TMTC1: variants seen among roughly 807,000 people sequenced by gnomAD.
TMTC1 encodes the protein transmembrane O-mannosyltransferase targeting cadherins 1, also known as protein O-mannosyl-transferase TMTC1.
TMTC1 carries 73 observed loss-of-function variants against 104.8 expected under a neutral mutation model. The ratio of observed to expected loss-of-function variants is 0.70; its 90% CI spans 0.58 to 0.85. The LOEUF (loss-of-function observed/expected upper bound fraction) is 0.85, where lower values mean the gene tolerates loss of function less well. TMTC1 is among the 40% of genes least tolerant of loss of function. The pLI, the probability that TMTC1 is intolerant of heterozygous loss-of-function variation, is 0.00. For synonymous variants in TMTC1, 434 were observed against 428.7 expected, an observed-to-expected ratio of 1.01 and a Z score of -0.15; for missense variants, 1,035 against 1,096.1, an observed-to-expected ratio of 0.94 and a Z score of 0.79.
At chr12:29,559,378 C>A (rs1358491578) in intron 9 of TMTC1, among the ~76,000 whole-genome samples, 6 of 152,320 alleles carry the variant, frequency 3.9e-5, no homozygotes, top group African/African-American at 1.2e-4. Context: ...CATGACCCCA[C>A]TGCCATGTAA....
intron 5 of TMTC1, among the ~76,000 whole-genome samples, chr12:29,636,257 C>T (rs927548925): frequency 6.6e-6 from 1 of 152,098 alleles, no homozygotes; most frequent in Non-Finnish European, 1.5e-5. Context: ...TTCTTTATGC[C>T]ACTTTCTCTA....
chr12:29,649,430 G>A (rs1012982625), intron 5 of TMTC1, among the ~76,000 whole-genome samples: 21 of 152,186 alleles, frequency 1.4e-4, no homozygotes, highest in African/African-American at 5.1e-4. Flanking sequence ...AGAAACTAAA[G>A]GAGAGAGGAG....
intron 5 of TMTC1, among the ~76,000 whole-genome samples, chr12:29,686,969 T>A (rs1387610533): frequency 1.3e-5 from 2 of 150,690 alleles, no homozygotes; most frequent in Non-Finnish European, 3.0e-5. Context: ...TTAATACATA[T>A]GAGTCTATTT....
intron 11 of TMTC1, among the ~76,000 whole-genome samples, chr12:29,527,747 CT>C (rs1201235288): frequency 2.6e-5 from 4 of 152,310 alleles, no homozygotes; most frequent in South Asian, 2.1e-4. Flanking sequence ...TCTAATATTA[CT>C]TTTTTTCCCA....
intron 6 of TMTC1, among the ~76,000 whole-genome samples, chr12:29,617,998 T>C (rs1441000285): frequency 1.3e-5 from 2 of 152,150 alleles, no homozygotes; most frequent in African/African-American, 4.8e-5. Flanking sequence ...GGCGCAAGGG[T>C]AGAAGCAGGG....
chr12:29,671,432 C>T (rs931030046), intron 5 of TMTC1, among the ~76,000 whole-genome samples: 5 of 152,000 alleles, frequency 3.3e-5, no homozygotes, highest in Admixed American at 1.3e-4. Context: ...TGTTGAACAC[C>T]GAGTTAAGTC....
intron 7 of TMTC1, among the ~76,000 whole-genome samples, chr12:29,598,865 G>A (rs923575768): frequency 3.0e-4 from 45 of 152,258 alleles, no homozygotes; most frequent in African/African-American, 1.0e-3. Context: ...ATTTAATGTT[G>A]TCTGCAAACA....
In TMTC1 at chr12:29,760,407, G is replaced by T. The variant is rs1188501307; in HGVS notation, c.481-1630C>A. 2.0e-5 allele frequency among the ~76,000 whole-genome samples: 3 copies of T among 152,128 alleles called. No homozygotes were observed. The East Asian group carries it at 5.8e-4, about 29-fold the overall frequency. ...GAAGAGTGAAGACTGGAGCAAGCAA[G>T]AAATATCAAAAATATCAATGGATGC... On this transcript the variant is annotated intron_variant, in intron 2 of 17. Transcript: ENST00000539277.
Position 29,714,615 on chromosome 12 carries a change from T to C in TMTC1, c.938+37051A>G, listed in dbSNP as rs767456213. 6.6e-5 allele frequency among the ~76,000 whole-genome samples: 10 copies of C among 152,324 alleles called. No homozygotes were observed. In the South Asian group the frequency reaches 8.3e-4, roughly 13 times the overall value. ...AAACATCTTTGTGTTACTATAAAAA[T>C]AGTTTTTACCTCACAGAACCTCCCT... On this transcript the variant is annotated intron_variant, in intron 5 of 17. Coordinates refer to ENST00000539277, the MANE Select transcript of TMTC1 (RefSeq NM_001193451.2).
intron 11 of TMTC1, among the ~76,000 whole-genome samples, chr12:29,524,727 G>C (rs1650644571): frequency 6.6e-6 from 1 of 152,314 alleles, no homozygotes; most frequent in African/African-American, 2.4e-5. Context: ...TTCTGGTTCT[G>C]ACTGATTATG....
intron 7 of TMTC1, among the ~76,000 whole-genome samples, chr12:29,594,551 G>A (rs1946359698): frequency 6.6e-6 from 1 of 152,210 alleles, no homozygotes; most frequent in Non-Finnish European, 1.5e-5. Flanking sequence ...AAAAGAGTAA[G>A]GAGGATTTGT....
At chr12:29,584,129 C>G (rs966509211) in intron 7 of TMTC1, among the ~76,000 whole-genome samples, 1 of 152,202 alleles carries the variant, frequency 6.6e-6, no homozygotes, top group Non-Finnish European at 1.5e-5. Context: ...CAGGCCGACT[C>G]CTGAGCCTCA....
At chr12:29,586,984 T>G (rs1379245665) in intron 7 of TMTC1, among the ~76,000 whole-genome samples, 1 of 152,142 alleles carries the variant, frequency 6.6e-6, no homozygotes, top group Non-Finnish European at 1.5e-5. Flanking sequence ...CTTTTTCTAT[T>G]GATTGGAATA....
At chr12:29,527,743 A>T (rs1187313918) in intron 11 of TMTC1, among the ~76,000 whole-genome samples, 1 of 152,196 alleles carries the variant, frequency 6.6e-6, no homozygotes, top group Non-Finnish European at 1.5e-5. Context: ...TGGATCTAAT[A>T]TTACTTTTTT....
intron 8 of TMTC1, among the ~76,000 whole-genome samples, chr12:29,577,509 T>C (rs1347804898): frequency 6.6e-6 from 1 of 152,152 alleles, no homozygotes; most frequent in Admixed American, 6.6e-5. Context: ...GTCACTCCTA[T>C]GGTACACGGA....
intron 5 of TMTC1, among the ~76,000 whole-genome samples, chr12:29,712,139 T>C (rs1941947809): frequency 6.6e-6 from 1 of 151,944 alleles, no homozygotes. Flanking sequence ...CTACATCCGA[T>C]GTGGAAGAAA....
Position 29,598,089 on chromosome 12 carries a change from A to G in TMTC1, c.1250+6089T>C, listed in dbSNP as rs559038425. On this transcript the variant is annotated intron_variant, in intron 7 of 17. Transcript: ENST00000539277. The stretch of plus-strand genomic sequence containing the variant: ...AGAAACAGTAATCTGACCCTATTCA[A>G]TGATTCTTTCAAGACGGCTAGCCAG... 2.0e-4 allele frequency among the ~76,000 whole-genome samples: 31 copies of G among 152,326 alleles called. No homozygotes were observed. The South Asian group carries it at 6.4e-3, about 32-fold the overall frequency.
At position 29,633,257 on chromosome 12, in the gene TMTC1, C is replaced by T; in HGVS notation, c.1018G>A (p.Val340Ile). The part of the protein sequence containing the change: ...APVTLCYDWQ[V>I]GSIPLVETIW... ...GTCTCTACCAGAGGAATACTGCCGA[C>T]CTGCCAGTCATAGCACAGGGTCACG... is the stretch of plus-strand genomic sequence containing the variant. The change falls in exon 6 of 18, where the codon GTC becomes ATC. Residue 340 changes from valine (V) to isoleucine (I), a missense_variant. By Grantham distance (29) the Val-to-Ile change is conservative. Transcript: ENST00000539277. 2 of 1,613,954 alleles carry T rather than the reference C, an allele frequency of 1.2e-6. No individual in the cohort carries two copies. The highest frequency in any genetic ancestry group is 1.1e-5 in the South Asian group (1 of 91,072).
chr12:29,777,633 T>C (rs971798221), intron 1 of TMTC1, among the ~76,000 whole-genome samples: 2 of 152,138 alleles, frequency 1.3e-5, no homozygotes, highest in African/African-American at 4.8e-5. Context: ...TATATCCTAC[T>C]AGATTATAAT....
Sources: allele counts gnomAD v4.1 joint callset (sites outside exome capture counted in the v4.1 genomes callset), GRCh38; gene constraint gnomAD v4.1.1; transcripts MANE v1.5; gene names NCBI Gene and HGNC (gene_info 2026-07-23, HGNC 2026-07-21).